Variants in RGS3 observed in about 807,000 individuals in gnomAD.
RGS3 encodes the protein regulator of G-protein signalling 3.
In RGS3, 80 loss-of-function variants were observed where a neutral mutation model predicts 132.6. The ratio of observed to expected loss-of-function variants is 0.60; its 90% CI spans 0.50 to 0.73. The LOEUF (loss-of-function observed/expected upper bound fraction) is 0.73, where lower values mean the gene tolerates loss of function less well. Ranked by LOEUF, RGS3 falls within the 30% of genes least tolerant of loss-of-function variation. The pLI, the probability that RGS3 is intolerant of heterozygous loss-of-function variation, is 0.00. For missense variants in RGS3, 1,382 were observed against 1,530.8 expected (o/e 0.90, Z 1.62); for synonymous variants, 598 against 620.6 (o/e 0.96, Z 0.54).
chr9:113,500,233 G>A (rs1467830390), intron 10 of RGS3, among the ~76,000 whole-genome samples: 11 of 152,230 alleles, frequency 7.2e-5, no homozygotes, highest in Admixed American at 3.3e-4. Context: ...GGTTGGGGCC[G>A]GGGGAGAGCC....
chr9:113,591,917 T>C lies in RGS3; in HGVS notation c.3080+520T>C, dbSNP rs1835450754. On this transcript the variant is annotated intron_variant, in intron 21 of 24. Coordinates refer to ENST00000350696, the Ensembl canonical transcript of RGS3. This position sits in a 1 kb window ranked among gnomAD's most constrained non-coding sequence, Gnocchi z 4.4. ...TCAGGCCTTCTTATACTATAGGGTG[T>C]TTGTTAGAGGTGTCAATGAAAAAGA... 1 of 158,792 alleles carries C rather than the reference T, an allele frequency of 6.3e-6. No homozygotes were observed. The highest frequency in any genetic ancestry group is 1.4e-5 in the Non-Finnish European group (1 of 71,330). 9.8% of individuals were successfully genotyped at this position (158,792 alleles called of 1,614,324 possible).
chr9:113,579,228 C>G lies in RGS3; in HGVS notation c.2038-4222C>G, dbSNP rs1834675931. Reference sequence around the variant, plus strand: ...AGTAGCTGTGTGATGTTGGACAAGTCACTTTCAGCAGCCCACCACTACCCT... The same window carrying G: ...AGTAGCTGTGTGATGTTGGACAAGTGACTTTCAGCAGCCCACCACTACCCT... On this transcript the variant is annotated intron_variant, in intron 19 of 24. Coordinates refer to ENST00000350696, the Ensembl canonical transcript of RGS3. This position sits in a 1 kb window ranked among gnomAD's most constrained non-coding sequence, Gnocchi z 4.3. Among the ~76,000 whole-genome samples the G allele has an allele frequency of 6.6e-6, 1 of 152,170 alleles. No homozygotes were observed. Among genetic ancestry groups the G allele is most frequent in the Non-Finnish European group, 1.5e-5 (1 of 68,040 alleles).
chr9:113,512,259 A>G (rs1461240158), intron 14 of RGS3, among the ~76,000 whole-genome samples: 1 of 152,218 alleles, frequency 6.6e-6, no homozygotes. Context: ...CTTTAAACAA[A>G]GGGTCCAGGG....
chr9:113,507,591 A>C lies in RGS3; in HGVS notation c.1390A>C (p.Thr464Pro). Residue 464 changes from threonine to proline, a missense_variant, in exon 13 of 25, where the codon ACC (threonine) becomes CCC (proline). Thr to Pro is a conservative substitution (Grantham distance 38). Transcript: ENST00000350696. This position sits in a 1 kb window ranked among gnomAD's most constrained non-coding sequence, Gnocchi z 5.0. The stretch of plus-strand genomic sequence containing the variant: ...TGCACTGTCCCGTGCCACTGCCCCC[A>C]CCGACCCCAACTACATCATCCTGGC... 6.6e-7 allele frequency: 1 copy of C among 1,512,560 alleles called. No homozygotes were observed. The highest frequency in any genetic ancestry group is 8.9e-7 in the Non-Finnish European group (1 of 1,127,266). The allele number at this position is 1,512,560 out of a possible 1,614,324, so 93.7% of individuals were successfully genotyped here.
intron 20 of RGS3, among the ~76,000 whole-genome samples, chr9:113,588,749 C>T (rs1835259460): frequency 6.6e-6 from 1 of 152,346 alleles, no homozygotes; most frequent in South Asian, 2.1e-4. Context: ...GTGTGTTGGG[C>T]GCTGTGCTGA....
intron 7 of RGS3, among the ~76,000 whole-genome samples, 162 bp from the exon 6 acceptor site, chr9:113,495,624 C>T (rs958207897): frequency 6.6e-6 from 1 of 152,216 alleles, no homozygotes; most frequent in Non-Finnish European, 1.5e-5. Flanking sequence ...AATAGCTCCT[C>T]TCTATCCTGC....
At chr9:113,560,350 C>A (rs1434271370) in intron 19 of RGS3, among the ~76,000 whole-genome samples, 2 of 152,212 alleles carry the variant, frequency 1.3e-5, no homozygotes, top group Non-Finnish European at 2.9e-5. Flanking sequence ...TCTTACCCCA[C>A]CCCACCATTT....
chr9:113,463,573 T>G lies in RGS3; in HGVS notation c.415+1372T>G. ...GGCTGCCGTCGCTGCTCAGCGCGGG[T>G]CGGCGGCGCCGCCTCCCCCACCCCG... On this transcript the variant is annotated intron_variant, in intron 3 of 24. Transcript: ENST00000350696. This position sits in a 1 kb window ranked among gnomAD's most constrained non-coding sequence, Gnocchi z 4.6. The G allele has an allele frequency of 2.7e-4, 99 of 366,826 alleles. No homozygotes were observed. The highest frequency in any genetic ancestry group is 3.5e-4 in the Non-Finnish European group (92 of 265,388). The allele number at this position is 366,826 out of a possible 1,614,324, so 22.7% of individuals were successfully genotyped here. A position where few individuals can be genotyped will look rare whatever the true frequency, so the allele number is the denominator to read the frequency against.
chr9:113,444,859 A>G (rs965329504), exon 1 of RGS3: 2 of 152,200 alleles, frequency 1.3e-5, no homozygotes, highest in Admixed American at 1.3e-4. Flanking sequence ...AAAAGAATTG[A>G]CTGAAGGGGA....
chr9:113,595,038 C>A, intron 23 of RGS3, 58 bp downstream of exon 21: 1 of 1,515,186 alleles, frequency 6.6e-7, no homozygotes, highest in Non-Finnish European at 9.2e-7. Context: ...CCTTCGCCCC[C>A]ATCCAGACCC....
chr9:113,445,548 T>C (rs79265136), intron 1 of RGS3, among the ~76,000 whole-genome samples: 1 of 152,192 alleles, frequency 6.6e-6, no homozygotes, highest in Non-Finnish European at 1.5e-5. Flanking sequence ...CTGGCCCAGT[T>C]TGACACCTGT....
intron 19 of RGS3, among the ~76,000 whole-genome samples, chr9:113,563,350 A>G (rs1833868608): frequency 6.6e-6 from 1 of 152,204 alleles, no homozygotes; most frequent in Non-Finnish European, 1.5e-5. Context: ...AGAGCCTGGC[A>G]CAGAGTCTAT....
intron 19 of RGS3, among the ~76,000 whole-genome samples, chr9:113,576,323 C>T (rs1834521155): frequency 6.6e-6 from 1 of 150,982 alleles, no homozygotes; most frequent in Admixed American, 6.6e-5. Flanking sequence ...GTGAAGTTCA[C>T]TGGATTGTTC....
At chr9:113,547,874 T>C (rs567268232) in intron 19 of RGS3, among the ~76,000 whole-genome samples, 2 of 152,358 alleles carry the variant, frequency 1.3e-5, no homozygotes, top group African/African-American at 4.8e-5. Context: ...AGTGTGTTTC[T>C]GTTTTGGTTG....
At chr9:113,597,036 G>A (rs1835823281) in exon 25 of RGS3, 3 of 1,265,336 alleles carry the variant, frequency 2.4e-6, no homozygotes, top group Non-Finnish European at 1.1e-6. Flanking sequence ...TGTGACGGAG[G>A]GGGCAAGCAA....
chr9:113,461,062 G>A (rs1444917180), intron 1 of RGS3, among the ~76,000 whole-genome samples: 3 of 152,124 alleles, frequency 2.0e-5, no homozygotes, highest in Admixed American at 1.3e-4. Flanking sequence ...GGGTGTGTTT[G>A]TATATGTATG....
rs370456631 is a variant in RGS3 at position 113,507,314 on chromosome 9, C to T, written c.1113C>T (p.Leu371=). 48 of 1,613,182 alleles carry T rather than the reference C, an allele frequency of 3.0e-5. No homozygotes were observed. Among genetic ancestry groups the T allele is most frequent in the Middle Eastern group, 3.3e-4 (2 of 6,082 alleles). Residue 371 remains leucine (L), a synonymous_variant, in exon 13 of 25, where the codon CTC becomes CTT. Coordinates refer to ENST00000350696, the Ensembl canonical transcript of RGS3. This position sits in a 1 kb window ranked among gnomAD's most constrained non-coding sequence, Gnocchi z 5.0. Reference sequence around the variant, plus strand: ...GCTGCCCCAGTGAGATCATCCTACTCGTGTGGCGCATGGTCCCCCAGGTCA... The same window carrying T: ...GCTGCCCCAGTGAGATCATCCTACTTGTGTGGCGCATGGTCCCCCAGGTCA...
chr9:113,512,789 T>G (rs188249948), intron 14 of RGS3, among the ~76,000 whole-genome samples: 1 of 151,738 alleles, frequency 6.6e-6, no homozygotes. Context: ...GGCCCAGGAG[T>G]GTGTGGAGCC....
In RGS3 at chr9:113,565,345, T is replaced by G. The variant is rs1481877726; in HGVS notation, c.2038-18105T>G. On this transcript the variant is annotated intron_variant, in intron 19 of 24. Coordinates refer to ENST00000350696, the Ensembl canonical transcript of RGS3. This position sits in a 1 kb window ranked among gnomAD's most constrained non-coding sequence, Gnocchi z 5.7. The stretch of plus-strand genomic sequence containing the variant: ...ATCCAGCCTCTCTCCAGAGTGGCGG[T>G]GGCCGGCTAGACAGGGTGTGTGTTT... The G allele has an allele frequency of 7.8e-7, 1 of 1,288,486 alleles. No homozygotes were observed. Among genetic ancestry groups the G allele is most frequent in the South Asian group, 1.2e-5 (1 of 81,160 alleles). The allele number at this position is 1,288,486 out of a possible 1,614,324, so 79.8% of individuals were successfully genotyped here. A position where few individuals can be genotyped will look rare whatever the true frequency, so the allele number is the denominator to read the frequency against.
Sources: allele counts gnomAD v4.1 joint callset (sites outside exome capture counted in the v4.1 genomes callset), GRCh38; gene constraint gnomAD v4.1.1; non-coding constraint Gnocchi (gnomAD v3.1); transcripts MANE v1.5; gene names NCBI Gene and HGNC (gene_info 2026-07-23, HGNC 2026-07-21).